Variants in BTC observed in about 807,000 individuals in gnomAD.
BTC encodes the protein probetacellulin.
Under a neutral mutation model 18.1 loss-of-function variants are expected in BTC, and 13 were observed. The observed-to-expected ratio is 0.72, with a 90% confidence interval of 0.47 to 1.14. The LOEUF is 1.14. BTC is among the 50% of genes most tolerant of loss of function. BTC has a pLI of 0.00. For synonymous variants in BTC, 83 were observed against 79.4 expected, an observed-to-expected ratio of 1.05 and a Z score of -0.24; for missense variants, 247 against 224.2, an observed-to-expected ratio of 1.10 and a Z score of -0.65.
At chr4:74,753,827 G>A (rs55713153) in intron 3 of BTC, among the ~76,000 whole-genome samples, 27 of 128,816 alleles carry the variant, frequency 2.1e-4, no homozygotes, top group African/African-American at 6.4e-4. Context: ...TCCAAAAAAA[G>A]AAAAAAAAAA....
At chr4:74,773,133 G>A (rs1725088540) in intron 1 of BTC, among the ~76,000 whole-genome samples, 1 of 152,220 alleles carries the variant, frequency 6.6e-6, no homozygotes, top group Non-Finnish European at 1.5e-5. Context: ...GTGAACCAAA[G>A]CAAGCCTGAA....
intron 4 of BTC, among the ~76,000 whole-genome samples, chr4:74,749,165 C>T (rs1724378224): frequency 6.6e-6 from 1 of 152,014 alleles, no homozygotes; most frequent in Non-Finnish European, 1.5e-5. Context: ...CGCGGTGGCT[C>T]ATGCCTGTAA....
At chr4:74,783,359 C>G (rs1012262740) in intron 1 of BTC, among the ~76,000 whole-genome samples, 3 of 152,042 alleles carry the variant, frequency 2.0e-5, no homozygotes, top group African/African-American at 4.8e-5. Flanking sequence ...AATAAGGATT[C>G]CTTTCCCCAT....
chr4:74,770,280 G>A (rs1725005149), intron 1 of BTC, 124 bp from the exon 2 acceptor site: 1 of 718,006 alleles, frequency 1.4e-6, no homozygotes, highest in Non-Finnish European at 2.3e-6. Context: ...CCATTTCCAA[G>A]TCACTCACTC....
intron 1 of BTC, among the ~76,000 whole-genome samples, chr4:74,772,633 T>C (rs921149515): frequency 2.6e-5 from 4 of 151,888 alleles, no homozygotes; most frequent in African/African-American, 9.7e-5. Context: ...GAGACCTTAA[T>C]TTCTTCTAAT....
chr4:74,756,610 C>T (rs990068648), intron 2 of BTC, among the ~76,000 whole-genome samples: 1 of 152,228 alleles, frequency 6.6e-6, no homozygotes, highest in South Asian at 2.1e-4. Context: ...CTGCCACATA[C>T]ACTCTGGCAT....
intron 2 of BTC, among the ~76,000 whole-genome samples, chr4:74,758,949 A>G (rs1553957022): frequency 6.6e-6 from 1 of 152,034 alleles, no homozygotes; most frequent in Non-Finnish European, 1.5e-5. Context: ...GCACATAAAT[A>G]TACACACACA....
chr4:74,783,918 G>C (rs1426183916), intron 1 of BTC, among the ~76,000 whole-genome samples: 1 of 151,966 alleles, frequency 6.6e-6, no homozygotes, highest in East Asian at 1.9e-4. Flanking sequence ...CTCTTGGCTT[G>C]ACTGTTGTTG....
intron 2 of BTC, among the ~76,000 whole-genome samples, chr4:74,768,954 A>G (rs1724969855): frequency 1.3e-5 from 2 of 152,294 alleles, no homozygotes; most frequent in African/African-American, 4.8e-5. Flanking sequence ...ACAAGACCCA[A>G]ACATGACCTA....
intron 1 of BTC, among the ~76,000 whole-genome samples, chr4:74,775,862 T>C (rs957228837): frequency 5.3e-5 from 8 of 152,226 alleles, no homozygotes; most frequent in African/African-American, 1.7e-4. Flanking sequence ...TTCTTCAAGC[T>C]AAACATCCCG....
At chr4:74,752,182 A>G (rs572118478) in intron 3 of BTC, among the ~76,000 whole-genome samples, 1 of 152,332 alleles carries the variant, frequency 6.6e-6, no homozygotes, top group South Asian at 2.1e-4. Context: ...GGTGAGGCTT[A>G]ATGCAAGCAA....
chr4:74,769,883 A>C (rs1471180065), intron 2 of BTC, among the ~76,000 whole-genome samples, 175 bp downstream of exon 2: 1 of 152,120 alleles, frequency 6.6e-6, no homozygotes, highest in Non-Finnish European at 1.5e-5. Flanking sequence ...ATAAAATAAA[A>C]AATATTATCT....
intron 1 of BTC, among the ~76,000 whole-genome samples, chr4:74,786,517 C>A (rs1344791361): frequency 2.6e-5 from 4 of 152,186 alleles, no homozygotes; most frequent in Non-Finnish European, 4.4e-5. Context: ...TAGGAGCCGC[C>A]AAAAGTTTGT....
At chr4:74,758,148 G>A (rs111398016) in intron 2 of BTC, among the ~76,000 whole-genome samples, 199 of 152,336 alleles carry the variant, frequency 1.3e-3, no homozygotes, top group African/African-American at 4.3e-3. Context: ...GAATATGCAG[G>A]TCTAATGCAG....
intron 3 of BTC, among the ~76,000 whole-genome samples, chr4:74,752,808 G>A (rs1553956327): frequency 1.3e-5 from 2 of 152,094 alleles, no homozygotes; most frequent in Non-Finnish European, 2.9e-5. Flanking sequence ...ACTAAATGTG[G>A]TATTTTTAAA....
intron 4 of BTC, among the ~76,000 whole-genome samples, 165 bp downstream of exon 4, chr4:74,750,408 G>A (rs1017504143): frequency 1.3e-5 from 2 of 151,980 alleles, no homozygotes; most frequent in African/African-American, 2.4e-5. Flanking sequence ...TGTATTATGT[G>A]TTTTATTATG....
At chr4:74,754,459 T>C (rs536661041) in intron 3 of BTC, among the ~76,000 whole-genome samples, 1 of 152,142 alleles carries the variant, frequency 6.6e-6, no homozygotes, top group African/African-American at 2.4e-5. Flanking sequence ...GGGAAGGACA[T>C]CTAACTCAGA....
chr4:74,774,599 A>C (rs1283745612), intron 1 of BTC, among the ~76,000 whole-genome samples: 3 of 152,076 alleles, frequency 2.0e-5, no homozygotes, highest in Non-Finnish European at 2.9e-5. Context: ...TTTAAAAAAA[A>C]AAAAGGAACA....
chr4:74,744,992 A>T lies in BTC; in HGVS notation c.*1685T>A, dbSNP rs1281637781. The T allele has an allele frequency of 1.3e-5, 2 of 152,246 alleles. No homozygotes were observed. Among genetic ancestry groups the T allele is most frequent in the Non-Finnish European group, 2.9e-5 (2 of 68,032 alleles). The allele number at this position is 152,246 out of a possible 1,614,324, so 9.4% of individuals were successfully genotyped here. A position where few individuals can be genotyped will look rare whatever the true frequency, so the allele number is the denominator to read the frequency against. ...TGGTCAGCCAAACTCAGTCCAGGAAAAAAGAAACATTAAAGCATTGTTTTG... is the reference window on the plus strand; with the variant it reads ...TGGTCAGCCAAACTCAGTCCAGGAATAAAGAAACATTAAAGCATTGTTTTG... On this transcript the variant is annotated 3_prime_UTR_variant, in exon 6 of 6. Transcript: ENST00000395743.
Sources: allele counts gnomAD v4.1 joint callset (sites outside exome capture counted in the v4.1 genomes callset), GRCh38; gene constraint gnomAD v4.1.1; transcripts MANE v1.5; gene names NCBI Gene and HGNC (gene_info 2026-07-23, HGNC 2026-07-21).